TMEM163: variants seen among roughly 807,000 people sequenced by gnomAD.
The protein encoded by TMEM163 is transmembrane protein 163.
Under a neutral mutation model 29.3 loss-of-function variants are expected in TMEM163, and 17 were observed. The observed-to-expected ratio is 0.58, with a 90% confidence interval of 0.40 to 0.87. The LOEUF (loss-of-function observed/expected upper bound fraction) is 0.87, where lower values mean the gene tolerates loss of function less well. Among genes scored for constraint, TMEM163 ranks in the 40% least tolerant of loss-of-function variants. TMEM163 has a pLI of 0.00. For missense variants in TMEM163, 303 were observed against 381.5 expected, an observed-to-expected ratio of 0.79 and a Z score of 1.71; for synonymous variants, 157 against 160.6, an observed-to-expected ratio of 0.98 and a Z score of 0.17.
intron 2 of TMEM163, among the ~76,000 whole-genome samples, chr2:134,651,993 T>C (rs1436465536): frequency 1.5e-5 from 2 of 130,578 alleles, no homozygotes; most frequent in African/African-American, 6.9e-5. Context: ...CCTCCAGCTT[T>C]GTTCTTTTGG....
At chr2:134,544,081 C>T (rs1680730927) in intron 4 of TMEM163, among the ~76,000 whole-genome samples, 1 of 152,128 alleles carries the variant, frequency 6.6e-6, no homozygotes, top group African/African-American at 2.4e-5. Flanking sequence ...CCACACAGCC[C>T]CACCTGTACT....
chr2:134,617,683 G>A (rs200181591), intron 2 of TMEM163, among the ~76,000 whole-genome samples: 2 of 151,168 alleles, frequency 1.3e-5, no homozygotes, highest in East Asian at 3.9e-4. Flanking sequence ...AGAATAAACG[G>A]GAACAACAAA....
intron 2 of TMEM163, among the ~76,000 whole-genome samples, chr2:134,705,897 T>C (rs1314924621): frequency 6.6e-6 from 1 of 152,202 alleles, no homozygotes; most frequent in South Asian, 2.1e-4. Flanking sequence ...CGAGGGACCC[T>C]GAGCATGAGA....
intron 3 of TMEM163, among the ~76,000 whole-genome samples, chr2:134,551,745 C>T (rs968224074): frequency 1.3e-5 from 2 of 152,182 alleles, no homozygotes; most frequent in African/African-American, 2.4e-5. Flanking sequence ...TGCTTCAGTG[C>T]GTGCCAGGTC....
At chr2:134,692,611 C>T (rs564233418) in intron 2 of TMEM163, among the ~76,000 whole-genome samples, 1 of 152,252 alleles carries the variant, frequency 6.6e-6, no homozygotes, top group South Asian at 2.1e-4. Context: ...TTCCAGATGG[C>T]TGCCTCCTCA....
At chr2:134,711,707 G>C (rs1158879029) in intron 2 of TMEM163, among the ~76,000 whole-genome samples, 1 of 152,110 alleles carries the variant, frequency 6.6e-6, no homozygotes, top group African/African-American at 2.4e-5. Context: ...CATAATTTTT[G>C]TCTATTATGA....
intron 2 of TMEM163, among the ~76,000 whole-genome samples, chr2:134,580,471 A>G (rs1681666640): frequency 6.6e-6 from 1 of 152,230 alleles, no homozygotes; most frequent in Admixed American, 6.5e-5. Flanking sequence ...TCCTTGTTCA[A>G]GAGCTCACTG....
intron 2 of TMEM163, among the ~76,000 whole-genome samples, chr2:134,655,218 C>G (rs1374888093): frequency 1.4e-5 from 2 of 140,500 alleles, no homozygotes; most frequent in Non-Finnish European, 3.0e-5. Context: ...TTCACATAGT[C>G]CCATATTTCT....
intron 2 of TMEM163, among the ~76,000 whole-genome samples, chr2:134,693,905 A>G (rs1684527670): frequency 6.6e-6 from 1 of 152,168 alleles, no homozygotes. Flanking sequence ...ACAAAACAAC[A>G]CAATAAGCTC....
chr2:134,501,297 C>T (rs1679693090), intron 5 of TMEM163, among the ~76,000 whole-genome samples: 3 of 152,106 alleles, frequency 2.0e-5, no homozygotes, highest in Non-Finnish European at 4.4e-5. Context: ...GAATGTAAGT[C>T]GGTGAGCTGC....
chr2:134,523,192 A>C (rs976283961), intron 4 of TMEM163, among the ~76,000 whole-genome samples: 9 of 152,208 alleles, frequency 5.9e-5, no homozygotes, highest in African/African-American at 2.2e-4. Flanking sequence ...AGTGAGAGAG[A>C]CATGCAATTT....
At chr2:134,642,376 C>A (rs892833619) in intron 2 of TMEM163, among the ~76,000 whole-genome samples, 1 of 152,046 alleles carries the variant, frequency 6.6e-6, no homozygotes, top group Admixed American at 6.6e-5. Context: ...GTGATCCACC[C>A]GCCTTGACCT....
At chr2:134,623,534 G>A (rs1682784324) in intron 2 of TMEM163, among the ~76,000 whole-genome samples, 1 of 152,172 alleles carries the variant, frequency 6.6e-6, no homozygotes, top group Non-Finnish European at 1.5e-5. Flanking sequence ...TTGAGAGGCT[G>A]AGGCGGGCAG....
intron 2 of TMEM163, among the ~76,000 whole-genome samples, chr2:134,684,922 C>CAAAAA (rs56956631): frequency 2.7e-5 from 2 of 74,826 alleles, no homozygotes; most frequent in East Asian, 6.7e-4. Context: ...GACCCTGTCT[C>CAAAAA]AAAAAAAAAA....
At chr2:134,597,630 G>A (rs1215272230) in intron 2 of TMEM163, among the ~76,000 whole-genome samples, 2 of 152,150 alleles carry the variant, frequency 1.3e-5, no homozygotes, top group African/African-American at 2.4e-5. Context: ...TGGCCTCATA[G>A]AATGAGTTAG....
chr2:134,534,290 T>G (rs1432285101), intron 4 of TMEM163, among the ~76,000 whole-genome samples: 1 of 151,966 alleles, frequency 6.6e-6, no homozygotes, highest in Admixed American at 6.6e-5. Context: ...AAATGCTACC[T>G]TCTCACATAG....
chr2:134,572,616 C>A (rs2104786381), intron 2 of TMEM163, among the ~76,000 whole-genome samples: 1 of 152,272 alleles, frequency 6.6e-6, no homozygotes, highest in Non-Finnish European at 1.5e-5. Flanking sequence ...TTGACTGGGC[C>A]TCCATCATCA....
chr2:134,634,562 A>G (rs1683061706), intron 2 of TMEM163, among the ~76,000 whole-genome samples: 1 of 152,172 alleles, frequency 6.6e-6, no homozygotes. Flanking sequence ...GACTGATTGG[A>G]TATGTCATGG....
chr2:134,473,734 A>G (rs1332552801), intron 5 of TMEM163, among the ~76,000 whole-genome samples: 1 of 152,186 alleles, frequency 6.6e-6, no homozygotes, highest in Non-Finnish European at 1.5e-5. Context: ...AGGATCTATT[A>G]AGAAGATAAC....
Sources: gnomAD v4.1 joint callset for allele counts (sites outside exome capture counted in the v4.1 genomes callset) on GRCh38, gnomAD v4.1.1 for gene constraint, MANE v1.5 for transcripts, NCBI Gene and HGNC (gene_info 2026-07-23, HGNC 2026-07-21) for gene names.